Variants in TLE2 observed in about 807,000 individuals in gnomAD.
TLE2 encodes transducin-like enhancer protein 2.
A neutral mutation model predicts 97.2 loss-of-function variants in TLE2; 74 were observed. That is an observed-to-expected ratio of 0.76 (90% confidence interval 0.63 to 0.92). The LOEUF (loss-of-function observed/expected upper bound fraction) is 0.92, where lower values mean the gene tolerates loss of function less well. Among genes scored for constraint, TLE2 ranks in the 40% least tolerant of loss-of-function variants. The pLI, the probability that TLE2 is intolerant of heterozygous loss-of-function variation, is 0.00. For synonymous variants in TLE2, 499 were observed against 432.1 expected (o/e 1.15, Z -1.92); for missense variants, 1,038 against 1,008.7 (o/e 1.03, Z -0.39).
chr19:3,030,248 C>A (rs1210135309), upstream of TLE2, among the ~76,000 whole-genome samples: 2 of 152,314 alleles, frequency 1.3e-5, no homozygotes, highest in East Asian at 3.9e-4. Flanking sequence ...AAGGCAGGAG[C>A]CGTGTCCCAC....
At chr19:3,004,263 C>T (rs185310885) in intron 17 of TLE2, among the ~76,000 whole-genome samples, 79 of 152,302 alleles carry the variant, frequency 5.2e-4, no homozygotes, top group Middle Eastern at 3.4e-3. Context: ...TAGAAATGTT[C>T]TTAGCCCACC....
chr19:3,013,843 G>A (rs1301708338), intron 10 of TLE2, 25 bp from the exon 11 acceptor site: 5 of 1,496,268 alleles, frequency 3.3e-6, no homozygotes, highest in Non-Finnish European at 4.4e-6. Context: ...GTGACGTTGA[G>A]CAGAGTTGAA....
upstream of TLE2, among the ~76,000 whole-genome samples, chr19:3,030,647 G>A (rs967639168): frequency 1.3e-5 from 2 of 152,166 alleles, no homozygotes; most frequent in African/African-American, 4.8e-5. Flanking sequence ...CAATGGGCCA[G>A]GGGTGGTGGG....
At position 3,005,448 on chromosome 19, in the gene TLE2, A is replaced by C; in HGVS notation, c.1885T>G (p.Phe629Val). Residue 629 changes from phenylalanine (F) to valine (V), a missense_variant, in exon 17 of 20, where the codon TTC becomes GTC. Physicochemically the swap from Phe to Val is conservative, Grantham distance 50. Coordinates refer to ENST00000262953, the MANE Select transcript of TLE2 (RefSeq NM_003260.5). ...REGRQLQQHD[F>V]SSQIFSLGHC... ...GAACCGAACAGCACCTGGGAGCTGA[A>C]GTCATGCTGCTGCAGCTGGCGGCCC... The C allele has an allele frequency of 6.2e-7, 1 of 1,613,830 alleles. No homozygotes were observed. The highest frequency in any genetic ancestry group is 2.2e-5 in the East Asian group (1 of 44,886).
At chr19:3,006,749 T>C in intron 14 of TLE2, 80 bp from the exon 15 acceptor site, 1 of 1,497,500 alleles carries the variant, frequency 6.7e-7, no homozygotes, top group South Asian at 1.3e-5. Flanking sequence ...GGAGACGCCT[T>C]TGTCCTGCCT....
At chr19:3,032,903 C>G (rs2090036152), upstream of TLE2, among the ~76,000 whole-genome samples, 2 of 151,920 alleles carry the variant, frequency 1.3e-5, no homozygotes, top group Non-Finnish European at 2.9e-5. This position sits in a 1 kb window ranked among gnomAD's most constrained non-coding sequence, Gnocchi z 4.1. Context: ...TCCTCATTGT[C>G]TGCAACTGTC....
At position 3,028,461 on chromosome 19, in the gene TLE2, C is replaced by G. The variant is rs545668957; in HGVS notation, c.123-79G>C. The G allele has an allele frequency of 1.7e-3, 2,420 of 1,417,872 alleles. 3 individuals are homozygous for G. Among genetic ancestry groups the G allele is most frequent in the Non-Finnish European group, 2.2e-3 (2,322 of 1,044,546 alleles). 87.8% of individuals were successfully genotyped at this position (1,417,872 alleles called of 1,614,324 possible). On this transcript the variant is annotated intron_variant, in intron 2 of 19. Transcript: ENST00000262953. ...TCCAAAGTGAGAGGCTGGATCTCCC[C>G]CTCCCGACTTCCTTACAGACCTCCC...
chr19:3,035,980 C>A (rs2090059901), intron 1 of TLE2, among the ~76,000 whole-genome samples: 1 of 152,210 alleles, frequency 6.6e-6, no homozygotes. Flanking sequence ...GACCCTCGTG[C>A]AATATGCTAC....
chr19:3,019,569 C>T lies in TLE2; in HGVS notation c.370-106G>A, dbSNP rs1209141047. Reference sequence around the variant, plus strand: ...GGATGGGACCTAAGCACAGCATGTGCCCCTGGGGTTCCCAGGACCACTGGA... The same window carrying T: ...GGATGGGACCTAAGCACAGCATGTGTCCCTGGGGTTCCCAGGACCACTGGA... On this transcript the variant is annotated intron_variant, in intron 6 of 19. Coordinates refer to ENST00000262953, the MANE Select transcript of TLE2 (RefSeq NM_003260.5). The surrounding 1 kb of genome is among the most constrained non-coding windows in gnomAD (Gnocchi z 5.1). The T allele has an allele frequency of 7.3e-6, 11 of 1,499,846 alleles. No homozygotes were observed. Among genetic ancestry groups the T allele is most frequent in the Non-Finnish European group, 9.8e-6 (11 of 1,120,412 alleles). The allele number at this position is 1,499,846 out of a possible 1,614,324, so 92.9% of individuals were successfully genotyped here. A position where few individuals can be genotyped will look rare whatever the true frequency, so the allele number is the denominator to read the frequency against.
intron 12 of TLE2, among the ~76,000 whole-genome samples, 190 bp from the exon 13 acceptor site, chr19:3,009,892 TTTC>T: frequency 6.6e-6 from 1 of 150,980 alleles, no homozygotes; most frequent in African/African-American, 2.4e-5. Context: ...TCTCTCTTTT[TTTC>T]TTTTGTTTGA....
upstream of TLE2, among the ~76,000 whole-genome samples, chr19:3,031,219 T>TTATGTGGGGTGTC (rs1334707353): frequency 6.6e-6 from 1 of 151,936 alleles, no homozygotes; most frequent in Admixed American, 6.6e-5. Context: ...GCAAACCTGC[T>TTATGTGGGGTGTC]TATGTGGGGT....
intron 1 of TLE2, among the ~76,000 whole-genome samples, chr19:3,043,387 T>TA (rs34251949): frequency 2.1e-5 from 3 of 141,680 alleles, no homozygotes; most frequent in African/African-American, 8.3e-5. Context: ...TTTTTTTTTT[T>TA]GAGATGGTCT....
In TLE2 at chr19:3,013,879, T is replaced by C. The variant is rs1422573051; in HGVS notation, c.724-61A>G. ...ATGAGAGGGAAAGAAGAGTCCCTTCTCTATCCTCCTCCCGACTCCCACCCC... is the reference window on the plus strand; with the variant it reads ...ATGAGAGGGAAAGAAGAGTCCCTTCCCTATCCTCCTCCCGACTCCCACCCC... On this transcript the variant is annotated intron_variant, in intron 10 of 19. Transcript: ENST00000262953. The C allele has an allele frequency of 1.8e-5, 24 of 1,356,928 alleles. No homozygotes were observed. In the East Asian group the frequency reaches 6.7e-4, roughly 38 times the overall value. 84.1% of individuals were successfully genotyped at this position (1,356,928 alleles called of 1,614,324 possible).
At position 3,019,674 on chromosome 19, in the gene TLE2, CG is replaced by C. The variant is rs1424507382; in HGVS notation, c.369+24del. On this transcript the variant is annotated intron_variant, in intron 6 of 19. Transcript: ENST00000262953. This position sits in a 1 kb window ranked among gnomAD's most constrained non-coding sequence, Gnocchi z 5.1. The stretch of plus-strand genomic sequence containing the variant: ...CCTGGGAGTGGGCGTCTCCCCATGG[CG>C]GGGCAGGGGCTAGAGAGACTCACCC... 1 of 1,600,954 alleles carries C rather than the reference CG, an allele frequency of 6.2e-7. No homozygotes were observed. The highest frequency in any genetic ancestry group is 1.7e-5 in the Admixed American group (1 of 57,992).
rs769141673 is a variant in TLE2 at position 3,019,659 on chromosome 19, G to A, written c.369+40C>T. 5.0e-6 allele frequency: 8 copies of A among 1,593,108 alleles called. No homozygotes were observed. The African/African-American group carries it at 1.1e-4, about 21-fold the overall frequency. ...GGTGGGTGCCAGGGACCTGGGAGTG[G>A]GCGTCTCCCCATGGCGGGGCAGGGG... On this transcript the variant is annotated intron_variant, in intron 6 of 19. Coordinates refer to ENST00000262953, the MANE Select transcript of TLE2 (RefSeq NM_003260.5). This position sits in a 1 kb window ranked among gnomAD's most constrained non-coding sequence, Gnocchi z 5.1.
At chr19:3,046,973 C>T (rs1260580699), upstream of TLE2, among the ~76,000 whole-genome samples, 3 of 117,722 alleles carry the variant, frequency 2.5e-5, no homozygotes, top group Non-Finnish European at 3.7e-5. Context: ...TTCTCCCCCA[C>T]CTTCCTATTC....
rs140715805 is a variant in TLE2 at position 2,999,772 on chromosome 19, C to T, written c.2124+875G>A. On this transcript the variant is annotated intron_variant, in intron 19 of 19. Transcript: ENST00000262953. ...AAACAGCTGGGCGCAGTGGCTCACG[C>T]CTGTAATCCCAACACTTTGGGAGGC... is the stretch of plus-strand genomic sequence containing the variant. 1.7e-3 allele frequency among the ~76,000 whole-genome samples: 256 copies of T among 149,410 alleles called. 2 individuals carry two copies. The highest frequency in any genetic ancestry group is 7.1e-3 in the Middle Eastern group (2 of 280).
chr19:3,044,266 G>T (rs986449120), intron 1 of TLE2, among the ~76,000 whole-genome samples: 13 of 152,086 alleles, frequency 8.5e-5, no homozygotes, highest in Non-Finnish European at 1.8e-4. Flanking sequence ...TGCCCCCCTG[G>T]TGTCCCATGG....
At position 3,005,800 on chromosome 19, in the gene TLE2, G is replaced by A. The variant is rs1254643761; in HGVS notation, c.1669C>T (p.Pro557Ser). ...CAGGAGAAGCAAACCTTGGCGTCGG[G>A]GCTGACGGCCAGGGCGTAGCAGGCT... is the stretch of plus-strand genomic sequence containing the variant. Reference protein sequence around the residue: ...APACYALAVSPDAKVCFSCCS... With the variant: ...APACYALAVSSDAKVCFSCCS... Residue 557 changes from proline (P) to serine (S), a missense_variant, in exon 16 of 20, where the codon CCC becomes TCC. Transcript: ENST00000262953. The A allele has an allele frequency of 6.2e-7, 1 of 1,614,008 alleles. No homozygotes were observed.
Sources: allele counts gnomAD v4.1 joint callset (sites outside exome capture counted in the v4.1 genomes callset), GRCh38; gene constraint gnomAD v4.1.1; non-coding constraint Gnocchi (gnomAD v3.1); transcripts MANE v1.5; gene names NCBI Gene and HGNC (gene_info 2026-07-23, HGNC 2026-07-21).